Variants in TMEM19 observed in about 807,000 individuals in gnomAD.
TMEM19 encodes transmembrane protein 19.
A neutral mutation model predicts 33.6 loss-of-function variants in TMEM19; 21 were observed. The ratio of observed to expected loss-of-function variants is 0.62; its 90% CI spans 0.44 to 0.90. The LOEUF (loss-of-function observed/expected upper bound fraction) is 0.90, where lower values mean the gene tolerates loss of function less well. Among genes scored for constraint, TMEM19 ranks in the 40% least tolerant of loss-of-function variants. The pLI is 0.00. For missense variants in TMEM19, 402 were observed against 401.8 expected, an observed-to-expected ratio of 1.00 and a Z score of 0.00; for synonymous variants, 149 against 147.5, an observed-to-expected ratio of 1.01 and a Z score of -0.07.
At position 71,698,934 on chromosome 12, in the gene TMEM19, C is replaced by G. The variant is rs758132379; in HGVS notation, c.672C>G (p.Val224=). ...GAGGAGTTACAGTGGTGGGCCTTGT[C>G]TCCAGTCTCCTTGGTGGTACCTTTG... ...TNGGVTVVGL[V]SSLLGGTFVG... is the part of the protein sequence containing the mutation. Residue 224 remains valine (V), a synonymous_variant, in exon 5 of 6, where the codon GTC becomes GTG. Transcript: ENST00000266673. 12 of 1,614,024 alleles carry G rather than the reference C, an allele frequency of 7.4e-6. No individual in the cohort carries two copies. In the South Asian group the frequency reaches 1.3e-4, roughly 18 times the overall value.
Position 71,697,484 on chromosome 12 carries a change from T to C in TMEM19, c.587T>C (p.Leu196Pro). Reference protein sequence around the residue: ...DTWASEVGPVLSKSSPRLITT... With the variant: ...DTWASEVGPVPSKSSPRLITT... ...TGGGCTTCAGAAGTTGGCCCAGTTC[T>C]GAGTAAAAGTTCTCCAAGACTGATA... The change falls in exon 4 of 6, where the codon CTG becomes CCG. Residue 196 changes from leucine to proline, a missense_variant. Transcript: ENST00000266673. 1 of 1,594,564 alleles carries C rather than the reference T, an allele frequency of 6.3e-7. No individual in the cohort carries two copies. The highest frequency in any genetic ancestry group is 1.7e-4 in the Middle Eastern group (1 of 6,038).
chr12:71,688,866 A>C (rs1034626982), intron 1 of TMEM19, among the ~76,000 whole-genome samples: 1 of 152,212 alleles, frequency 6.6e-6, no homozygotes, highest in Admixed American at 6.5e-5. Context: ...TCAATTTCTA[A>C]CCATTGAATG....
chr12:71,699,672 GA>G (rs1411850254), intron 5 of TMEM19: 1 of 154,718 alleles, frequency 6.5e-6, no homozygotes, highest in Non-Finnish European at 1.4e-5. Flanking sequence ...CCAACATGGT[GA>G]AACCCCATCT....
chr12:71,698,080 GA>G (rs1881906580), intron 4 of TMEM19, among the ~76,000 whole-genome samples: 1 of 152,110 alleles, frequency 6.6e-6, no homozygotes, highest in South Asian at 2.1e-4. Context: ...TCCAAACTCT[GA>G]AAAAATTTGA....
At chr12:71,687,569 G>A (rs1881715737) in intron 1 of TMEM19, among the ~76,000 whole-genome samples, 1 of 151,824 alleles carries the variant, frequency 6.6e-6, no homozygotes, top group Non-Finnish European at 1.5e-5. Flanking sequence ...AAAAAAAAAA[G>A]TAGTAATGTA....
intron 1 of TMEM19, among the ~76,000 whole-genome samples, chr12:71,689,117 C>G (rs7964576): frequency 0.038 from 5,790 of 152,248 alleles, 367 homozygotes; most frequent in African/African-American, 0.13. Flanking sequence ...ATGCATGTCT[C>G]AACATAAATA....
In TMEM19 at chr12:71,703,927, T is replaced by G. The variant is rs1882029273; in HGVS notation, c.*2932T>G. Reference sequence around the variant, plus strand: ...GTCTTACATGTATTTTACTGTAACATCTTTTGAATTGGATATTTAACTAAT... The same window carrying G: ...GTCTTACATGTATTTTACTGTAACAGCTTTTGAATTGGATATTTAACTAAT... On this transcript the variant is annotated 3_prime_UTR_variant, in exon 6 of 6. Transcript: ENST00000266673. The G allele has an allele frequency of 2.6e-6, 1 of 391,294 alleles. No individual in the cohort carries two copies. The highest frequency in any genetic ancestry group is 7.4e-5 in the East Asian group (1 of 13,500). 24.2% of individuals were successfully genotyped at this position (391,294 alleles called of 1,614,324 possible).
intron 3 of TMEM19, among the ~76,000 whole-genome samples, chr12:71,696,899 G>A (rs1477243977): frequency 6.6e-6 from 1 of 151,988 alleles, no homozygotes; most frequent in Admixed American, 6.5e-5. Flanking sequence ...CGCCTGCCTC[G>A]GCCTCCCAAA....
Position 71,701,006 on chromosome 12 carries a change from A to C in TMEM19, c.*11A>C. ...TGGCCCAGGGGGTGAACTTTATTTC[A>C]TTTCCACAGGTTGAAACTGGTGAGT... On this transcript the variant is annotated 3_prime_UTR_variant, in exon 6 of 6. Transcript: ENST00000266673. 1 of 1,598,854 alleles carries C rather than the reference A, an allele frequency of 6.3e-7. No individual in the cohort carries two copies. Among genetic ancestry groups the C allele is most frequent in the Non-Finnish European group, 8.5e-7 (1 of 1,172,624 alleles).
Position 71,686,574 on chromosome 12 carries a change from T to A in TMEM19, c.-107T>A. ...TGCTTGTTTGGTCGGTGGAATATGTTGGGATTTATGTTTGCCTCTGAACAA... is the reference window on the plus strand; with the variant it reads ...TGCTTGTTTGGTCGGTGGAATATGTAGGGATTTATGTTTGCCTCTGAACAA... On this transcript the variant is annotated 5_prime_UTR_variant, in exon 1 of 6. The change creates a premature stop within an existing upstream ORF in the 5' untranslated region. Transcript: ENST00000266673. 1.6e-6 allele frequency: 2 copies of A among 1,277,024 alleles called. No homozygotes were observed. The highest frequency in any genetic ancestry group is 2.2e-6 in the Non-Finnish European group (2 of 917,142). The allele number at this position is 1,277,024 out of a possible 1,614,324, so 79.1% of individuals were successfully genotyped here. A position where few individuals can be genotyped will look rare whatever the true frequency, so the allele number is the denominator to read the frequency against.
chr12:71,697,332 A>T lies in TMEM19; in HGVS notation c.435A>T (p.Glu145Asp). 6.2e-7 allele frequency: 1 copy of T among 1,610,510 alleles called. No individual in the cohort carries two copies. Among genetic ancestry groups the T allele is most frequent in the South Asian group, 1.1e-5 (1 of 90,208 alleles). Residue 145 changes from glutamate (E) to aspartate (D), a missense_variant, in exon 4 of 6, where the codon GAA (glutamate) becomes GAT (aspartate). Physicochemically the swap from Glu to Asp is conservative, Grantham distance 45. Transcript: ENST00000266673. The stretch of plus-strand genomic sequence containing the variant: ...TCTGTAATGGAGCTGTACCCACAGA[A>T]CTGGCCCTGCTGTACATGATAGAAA... ...QVFCNGAVPT[E>D]LALLYMIENG...
At chr12:71,693,352 A>G (rs1397231511) in intron 2 of TMEM19, among the ~76,000 whole-genome samples, 2 of 152,038 alleles carry the variant, frequency 1.3e-5, no homozygotes, top group Non-Finnish European at 2.9e-5. Context: ...ACGCGCCGCC[A>G]CACCCAGCTT....
chr12:71,699,136 C>T (rs1881933105), intron 5 of TMEM19, 27 bp downstream of exon 5: 3 of 1,608,446 alleles, frequency 1.9e-6, no homozygotes, highest in Non-Finnish European at 2.6e-6. Context: ...ATTCTTGCAA[C>T]TTATTGGTAT....
At chr12:71,696,071 C>G (rs556241787) in intron 2 of TMEM19, among the ~76,000 whole-genome samples, 1 of 152,208 alleles carries the variant, frequency 6.6e-6, no homozygotes, top group East Asian at 1.9e-4. Context: ...AATCCCAGCA[C>G]TTTAGGAGGC....
intron 3 of TMEM19, among the ~76,000 whole-genome samples, chr12:71,696,917 G>A (rs1881883364): frequency 1.3e-5 from 2 of 152,172 alleles, no homozygotes; most frequent in African/African-American, 4.8e-5. Context: ...AAAGTGCTGG[G>A]ATTACAAGCG....
intron 2 of TMEM19, chr12:71,690,454 C>T (rs1881766311): frequency 6.6e-6 from 1 of 152,148 alleles, no homozygotes; most frequent in African/African-American, 2.4e-5. Context: ...TGCCTGACCC[C>T]TCTTTTAGCA....
chr12:71,689,725 T>C, intron 2 of TMEM19, 21 bp downstream of exon 2: 1 of 1,538,382 alleles, frequency 6.5e-7, no homozygotes, highest in South Asian at 1.1e-5. Flanking sequence ...ATTTTGAATG[T>C]TTACAGTAAC....
intron 2 of TMEM19, among the ~76,000 whole-genome samples, chr12:71,695,602 G>A (rs150079877): frequency 6.3e-4 from 96 of 152,272 alleles, no homozygotes; most frequent in African/African-American, 2.2e-3. Context: ...TGGAACTGTT[G>A]CTGTTATTAG....
chr12:71,691,812 C>A (rs1565851601), intron 2 of TMEM19, among the ~76,000 whole-genome samples: 1 of 151,450 alleles, frequency 6.6e-6, no homozygotes, highest in Non-Finnish European at 1.5e-5. Flanking sequence ...AAGGTCAAGT[C>A]CTTCTTGAAA....
Sources: gnomAD v4.1 joint callset for allele counts (sites outside exome capture counted in the v4.1 genomes callset) on GRCh38, gnomAD v4.1.1 for gene constraint, MANE v1.5 for transcripts, NCBI Gene and HGNC (gene_info 2026-07-23, HGNC 2026-07-21) for gene names.